Variants in MPND observed in about 807,000 individuals in gnomAD.
MPND encodes the protein MPN domain-containing protein.
Under a neutral mutation model 59.2 loss-of-function variants are expected in MPND, and 56 were observed. The ratio of observed to expected loss-of-function variants is 0.95; its 90% CI spans 0.76 to 1.18. The LOEUF is 1.18. Among genes scored for constraint, MPND ranks in the 50% most tolerant of loss-of-function variants. The pLI is 0.00. For missense variants in MPND, 671 were observed against 676.0 expected, an observed-to-expected ratio of 0.99 and a Z score of 0.08; for synonymous variants, 323 against 291.9, an observed-to-expected ratio of 1.11 and a Z score of -1.09.
chr19:4,354,088 T>G lies in MPND; in HGVS notation c.708T>G (p.Val236=). The change falls in exon 5 of 13, where the codon GTT becomes GTG. Residue 236 remains valine, a synonymous_variant. Coordinates refer to ENST00000599840, the MANE Select transcript of MPND (RefSeq NM_001300862.2). ...PGKRVDSKIR[V]PVRYCMLGSR... ...AGCGGGTGGACAGCAAGATCCGGGTTCCGGTCCGCTACTGCATGCTGGGCA... is the reference window on the plus strand; with the variant it reads ...AGCGGGTGGACAGCAAGATCCGGGTGCCGGTCCGCTACTGCATGCTGGGCA... 1 of 1,613,416 alleles carries G rather than the reference T, an allele frequency of 6.2e-7. No individual in the cohort carries two copies. The highest frequency in any genetic ancestry group is 8.5e-7 in the Non-Finnish European group (1 of 1,179,426).
intron 8 of MPND, 115 bp downstream of exon 8, chr19:4,355,288 T>C (rs900089881): frequency 2.9e-6 from 3 of 1,017,590 alleles, no homozygotes; most frequent in Admixed American, 2.1e-5. Context: ...CAGGTGAGCA[T>C]GCCCGTCTGT....
rs10414802 is a variant in MPND, at chr19:4,343,730, G to A, written c.30G>A (p.Ala10=). MAAPEPLSP[A]GGAGEEAPEE... ...CAGCTCCGGAGCCGCTGTCCCCGGC[G>A]GGCGGTGCGGGCGAGGAGGCGCCGG... is the stretch of plus-strand genomic sequence containing the variant. Residue 10 remains alanine (A), a synonymous_variant, in exon 2 of 13, where the codon GCG becomes GCA. Transcript: ENST00000599840. The A allele has an allele frequency of 2.0e-3, 2,462 of 1,205,692 alleles. 39 individuals are homozygous for A. The African/African-American group carries it at 0.034, about 17-fold the overall frequency. The allele number at this position is 1,205,692 out of a possible 1,614,324, so 74.7% of individuals were successfully genotyped here. A position where few individuals can be genotyped will look rare whatever the true frequency, so the allele number is the denominator to read the frequency against.
At chr19:4,359,717 C>A (rs1348898272) in intron 12 of MPND, among the ~76,000 whole-genome samples, 199 bp from the exon 13 acceptor site, 1 of 152,142 alleles carries the variant, frequency 6.6e-6, no homozygotes, top group Non-Finnish European at 1.5e-5. Flanking sequence ...CTCCACACAG[C>A]ACCGCTGCCC....
In MPND at chr19:4,343,916, G is replaced by A. The variant is rs1972127958; in HGVS notation, c.216G>A (p.Arg72=). The A allele has an allele frequency of 7.7e-7, 1 of 1,296,200 alleles. No individual in the cohort carries two copies. Among genetic ancestry groups the A allele is most frequent in the South Asian group, 2.5e-5 (1 of 39,822 alleles). The allele number at this position is 1,296,200 out of a possible 1,614,324, so 80.3% of individuals were successfully genotyped here. The part of the protein sequence containing the change: ...GCGGPGGALT[R]RAVTLRVLLK... ...GCGGGCCCGGGGGCGCGCTCACCAG[G>A]CGCGCGGTCACACTGCGGGTGCTCC... is the stretch of plus-strand genomic sequence containing the variant. Residue 72 remains arginine (R), a synonymous_variant, in exon 2 of 13, where the codon AGG becomes AGA. Transcript: ENST00000599840.
intron 10 of MPND, 91 bp downstream of exon 10, chr19:4,357,676 A>G (rs1972473660): frequency 1.5e-6 from 2 of 1,322,458 alleles, no homozygotes; most frequent in Non-Finnish European, 2.1e-6. Context: ...TCCAGGCTCC[A>G]CTGGAGAGTT....
intron 3 of MPND, among the ~76,000 whole-genome samples, chr19:4,351,674 A>G (rs147739356): frequency 0.044 from 6,589 of 151,118 alleles, 459 homozygotes; most frequent in African/African-American, 0.15. Flanking sequence ...CATCCTGGCT[A>G]ACACGGTGAA....
intron 11 of MPND, 162 bp downstream of exon 11, chr19:4,358,334 C>CT: frequency 3.2e-6 from 2 of 627,520 alleles, no homozygotes; most frequent in Admixed American, 2.8e-5. Context: ...AGTCCAGGCC[C>CT]TTGCCAGGGT....
intron 5 of MPND, 53 bp from the exon 6 acceptor site, chr19:4,354,271 G>A (rs1354476505): frequency 7.9e-6 from 12 of 1,521,894 alleles, no homozygotes; most frequent in South Asian, 6.0e-5. Context: ...GTGTGGGGGC[G>A]AGGGAAGAGC....
chr19:4,348,254 C>CTTTTTTTTT (rs4003316), intron 3 of MPND: 1 of 84,628 alleles, frequency 1.2e-5, no homozygotes, highest in Non-Finnish European at 2.2e-5. Flanking sequence ...TTGCAAATTT[C>CTTTTTTTTT]TTTTTTTTTT....
In MPND at chr19:4,359,938, C is replaced by T. The variant is rs752270585; in HGVS notation, c.1442C>T (p.Pro481Leu). Residue 481 changes from proline (P) to leucine (L), a missense_variant, in exon 13 of 13, where the codon CCC (proline) becomes CTC (leucine). By Grantham distance (98) the Pro-to-Leu change is moderately conservative. Transcript: ENST00000599840. ...KLKISLASRT[P>L]KDQSLCHVLE... ...CAGATCTCCTTGGCCAGCAGGACGC[C>T]CAAGGACCAGAGCCTGTGTCACGTC... The T allele has an allele frequency of 1.9e-6, 3 of 1,573,230 alleles. No homozygotes were observed. The highest frequency in any genetic ancestry group is 2.6e-6 in the Non-Finnish European group (3 of 1,159,012).
chr19:4,343,823 C>A lies in MPND; in HGVS notation c.123C>A (p.Arg41=). 1 of 1,208,496 alleles carries A rather than the reference C, an allele frequency of 8.3e-7. No individual in the cohort carries two copies. The allele number at this position is 1,208,496 out of a possible 1,614,324, so 74.9% of individuals were successfully genotyped here. ...ERPNAGAGGG[R]SGGGGSSVSG... is the part of the protein sequence containing the mutation. The stretch of plus-strand genomic sequence containing the variant: ...CGAATGCGGGAGCGGGCGGTGGACG[C>A]AGTGGCGGCGGCGGCAGTAGCGTCA... The change falls in exon 2 of 13, where the codon CGC becomes CGA. Residue 41 remains arginine, a synonymous_variant. Coordinates refer to ENST00000599840, the MANE Select transcript of MPND (RefSeq NM_001300862.2).
chr19:4,345,847 A>G lies in MPND; in HGVS notation c.397A>G (p.Lys133Glu), dbSNP rs1489383692. 3 of 1,613,976 alleles carry G rather than the reference A, an allele frequency of 1.9e-6. No individual in the cohort carries two copies. The highest frequency in any genetic ancestry group is 1.1e-5 in the South Asian group (1 of 91,090). Residue 133 changes from lysine (K) to glutamate (E), a missense_variant, in exon 3 of 13, where the codon AAG becomes GAG. Lys to Glu is a moderately conservative substitution (Grantham distance 56). Coordinates refer to ENST00000599840, the MANE Select transcript of MPND (RefSeq NM_001300862.2). ...SPSAWATHCKKLVNPAKKSGC... is the reference protein window; with the variant it reads ...SPSAWATHCKELVNPAKKSGC... ...CAGCGCCTGGGCCACCCACTGCAAG[A>G]AGCTGGTGAACCCTGCCAAGAAGTC...
At chr19:4,355,266 C>T in intron 8 of MPND, 93 bp downstream of exon 8, 1 of 1,343,086 alleles carries the variant, frequency 7.4e-7, no homozygotes, top group South Asian at 1.2e-5. Context: ...GTGTCATCAC[C>T]CAGCAACCGT....
intron 3 of MPND, among the ~76,000 whole-genome samples, chr19:4,351,347 A>AC (rs781336797): frequency 1.1e-4 from 17 of 151,832 alleles, no homozygotes; most frequent in Non-Finnish European, 2.4e-4. Flanking sequence ...CAAGTGGTCC[A>AC]CCGCCTCAGC....
chr19:4,351,861 C>CAAAAAAAAAAA (rs1217874445), intron 3 of MPND, among the ~76,000 whole-genome samples: 4 of 51,392 alleles, frequency 7.8e-5, no homozygotes, highest in Non-Finnish European at 1.0e-4. Flanking sequence ...GACTCTGTCT[C>CAAAAAAAAAAA]AAAAAAAAAA....
rs758110094 is a variant in MPND at position 4,345,994 on chromosome 19, GCCT to G, written c.531+19_531+21del. On this transcript the variant is annotated intron_variant, in intron 3 of 12. Transcript: ENST00000599840. ...GGCTGCTGATGAGGTACGTGCTGCAGCCTCCTCCAGGAAGCCGCCCAGGTCACT... is the reference window on the plus strand; with the variant it reads ...GGCTGCTGATGAGGTACGTGCTGCAGCCTCCAGGAAGCCGCCCAGGTCACT... 5.0e-6 allele frequency: 8 copies of G among 1,604,776 alleles called. No homozygotes were observed. In the Admixed American group the frequency reaches 1.2e-4, roughly 24 times the overall value.
chr19:4,345,375 ATTG>A (rs1972163686), intron 2 of MPND, among the ~76,000 whole-genome samples: 4 of 152,102 alleles, frequency 2.6e-5, no homozygotes, highest in Non-Finnish European at 4.4e-5. Context: ...TGTTGTCATT[ATTG>A]TTTGATTTGT....
chr19:4,354,160 C>T, intron 5 of MPND, 31 bp downstream of exon 5: 2 of 1,595,136 alleles, frequency 1.3e-6, no homozygotes, highest in Non-Finnish European at 8.6e-7. Flanking sequence ...TGCCCCTGCC[C>T]CAGCTCACCT....
chr19:4,345,684 C>A (rs1420914001), intron 2 of MPND, 61 bp from the exon 3 acceptor site: 1 of 1,525,358 alleles, frequency 6.6e-7, no homozygotes, highest in African/African-American at 1.4e-5. Context: ...GGGAGGACCC[C>A]CCGGGAGAGA....
Sources: gnomAD v4.1 joint callset for allele counts (sites outside exome capture counted in the v4.1 genomes callset) on GRCh38, gnomAD v4.1.1 for gene constraint, MANE v1.5 for transcripts, NCBI Gene and HGNC (gene_info 2026-07-23, HGNC 2026-07-21) for gene names.